The following PCCA variants were observed in gnomAD, a reference collection of about 807,000 sequenced individuals.
PCCA encodes the protein propionyl-CoA carboxylase alpha chain, mitochondrial.
In PCCA, 74 loss-of-function variants were observed where a neutral mutation model predicts 101.3. The ratio of observed to expected loss-of-function variants is 0.73; its 90% CI spans 0.61 to 0.89. The LOEUF is 0.89. Ranked by LOEUF, PCCA falls within the 40% of genes least tolerant of loss-of-function variation. The probability of loss-of-function intolerance (pLI) is 0.00; values close to 1 mark genes in which losing one functional copy is unlikely to be tolerated. For synonymous variants in PCCA, 294 were observed against 313.6 expected, an observed-to-expected ratio of 0.94 and a Z score of 0.66; for missense variants, 891 against 907.0, an observed-to-expected ratio of 0.98 and a Z score of 0.23.
intron 18 of PCCA, 100 bp downstream of exon 18, chr13:100,340,359 T>TAG: frequency 1.3e-6 from 1 of 742,938 alleles, no homozygotes; most frequent in Admixed American, 1.9e-5. Flanking sequence ...ATCTCAGTTC[T>TAG]AGAGATCTTA....
intron 4 of PCCA, among the ~76,000 whole-genome samples, chr13:100,131,271 G>A (rs1482102923): frequency 6.6e-6 from 1 of 152,092 alleles, no homozygotes; most frequent in African/African-American, 2.4e-5. Flanking sequence ...ATGTTCCTTC[G>A]AAAGGCTGGT....
In PCCA at chr13:100,372,978, A is replaced by G. The variant is rs1457578899; in HGVS notation, c.1746+4404A>G. On this transcript the variant is annotated intron_variant, in intron 19 of 23. Transcript: ENST00000376285. The stretch of plus-strand genomic sequence containing the variant: ...AGGCTGGTCTCGAACTCCTGACTTC[A>G]GGTGATCCACCCACTTCGGCCTCCC... Among the ~76,000 whole-genome samples the G allele has an allele frequency of 2.6e-5, 4 of 152,154 alleles. No homozygotes were observed. The East Asian group carries it at 7.7e-4, about 29-fold the overall frequency.
At chr13:100,371,861 G>A (rs1414510200) in intron 19 of PCCA, among the ~76,000 whole-genome samples, 1 of 152,148 alleles carries the variant, frequency 6.6e-6, no homozygotes, top group Non-Finnish European at 1.5e-5. Context: ...AGGATAGAGA[G>A]CCCATAAGTA....
In PCCA at chr13:100,142,904, C is replaced by A. The variant is rs186826867; in HGVS notation, c.301-12075C>A. On this transcript the variant is annotated intron_variant, in intron 4 of 23. Coordinates refer to ENST00000376285, the MANE Select transcript of PCCA (RefSeq NM_000282.4). ...TGGCCCAGCATAGCGTATCAGGCTCCCTGTGTATGACAGTGCCGCTGGAGA... is the reference window on the plus strand; with the variant it reads ...TGGCCCAGCATAGCGTATCAGGCTCACTGTGTATGACAGTGCCGCTGGAGA... 3.0e-4 allele frequency among the ~76,000 whole-genome samples: 45 copies of A among 152,258 alleles called. No homozygotes were observed. The East Asian group carries it at 4.2e-3, about 14-fold the overall frequency.
At chr13:100,202,024 C>T (rs552995500) in intron 6 of PCCA, among the ~76,000 whole-genome samples, 2 of 151,922 alleles carry the variant, frequency 1.3e-5, no homozygotes, top group East Asian at 1.9e-4. Flanking sequence ...GCACTGACTT[C>T]TATGGATTTA....
intron 18 of PCCA, among the ~76,000 whole-genome samples, chr13:100,363,355 C>T (rs1303410523): frequency 2.0e-5 from 3 of 151,810 alleles, no homozygotes; most frequent in Non-Finnish European, 4.4e-5. Context: ...AAACATCTCT[C>T]TCTCCTTTTT....
At chr13:100,457,286 C>T (rs562196061) in intron 21 of PCCA, among the ~76,000 whole-genome samples, 4 of 152,098 alleles carry the variant, frequency 2.6e-5, no homozygotes, top group Admixed American at 1.3e-4. Flanking sequence ...TCTCTTGCCT[C>T]GGCACCTAGA....
Position 100,527,720 on chromosome 13 carries a change from C to T in PCCA, c.2086C>T (p.Gln696Ter). The T allele has an allele frequency of 6.2e-7, 1 of 1,613,862 alleles. No individual in the cohort carries two copies. Reference protein sequence around the residue: ...EICVIEAMKMQNSMTAGKTGT... With the variant: ...EICVIEAMKM Reference sequence around the variant, plus strand: ...TTGTGTGATTGAAGCCATGAAAATGCAGAATAGTATGACAGCTGGGAAAAC... The same window carrying T: ...TTGTGTGATTGAAGCCATGAAAATGTAGAATAGTATGACAGCTGGGAAAAC... The change falls in exon 23 of 24, where the codon CAG becomes TAG. Residue 696 changes from glutamine to a stop codon, truncating the protein, a stop_gained. Transcript: ENST00000376285. LOFTEE classifies it high-confidence loss of function.
chr13:100,261,719 T>C (rs190761675), intron 9 of PCCA, among the ~76,000 whole-genome samples: 3 of 152,300 alleles, frequency 2.0e-5, no homozygotes, highest in African/African-American at 7.2e-5. Context: ...GTAAACAAAA[T>C]ATATAAAGCA....
At chr13:100,261,773 A>G (rs1315241434) in intron 9 of PCCA, among the ~76,000 whole-genome samples, 1 of 152,222 alleles carries the variant, frequency 6.6e-6, no homozygotes, top group East Asian at 1.9e-4. Context: ...ATACTTTTAT[A>G]ATTACTATTT....
At chr13:100,396,247 A>T (rs2077039801) in intron 19 of PCCA, among the ~76,000 whole-genome samples, 1 of 152,144 alleles carries the variant, frequency 6.6e-6, no homozygotes. Context: ...GAGTTTAAAT[A>T]CCAATCCTGA....
chr13:100,437,665 A>C (rs1247474100), intron 20 of PCCA, among the ~76,000 whole-genome samples: 1 of 151,946 alleles, frequency 6.6e-6, no homozygotes, highest in Non-Finnish European at 1.5e-5. Flanking sequence ...TGTTTTAATT[A>C]ATTAGCTCTT....
At chr13:100,515,647 C>T (rs981235163) in intron 22 of PCCA, 80 bp downstream of exon 22, 1 of 1,536,878 alleles carries the variant, frequency 6.5e-7, no homozygotes, top group Non-Finnish European at 8.9e-7. Flanking sequence ...CGGCACAGCA[C>T]GATTCGGCTC....
At chr13:100,274,128 C>G (rs2063486633) in intron 12 of PCCA, among the ~76,000 whole-genome samples, 1 of 152,198 alleles carries the variant, frequency 6.6e-6, no homozygotes, top group African/African-American at 2.4e-5. Flanking sequence ...TCCATCTTCC[C>G]TAGAGCTGTC....
chr13:100,105,844 C>CAAAA (rs71114671), intron 2 of PCCA, among the ~76,000 whole-genome samples: 9 of 62,506 alleles, frequency 1.4e-4, no homozygotes, highest in Admixed American at 2.6e-4. Flanking sequence ...GATCCTGTCT[C>CAAAA]AAAAAAAAAA....
At chr13:100,406,865 A>G (rs1260517905) in intron 19 of PCCA, among the ~76,000 whole-genome samples, 2 of 150,642 alleles carry the variant, frequency 1.3e-5, no homozygotes, top group Non-Finnish European at 3.0e-5. Flanking sequence ...ATTTGTGAAC[A>G]CTTCAGCTCT....
At chr13:100,401,965 G>T (rs1199031282) in intron 19 of PCCA, among the ~76,000 whole-genome samples, 2 of 151,786 alleles carry the variant, frequency 1.3e-5, no homozygotes, top group East Asian at 3.9e-4. Flanking sequence ...TTTTCTTATT[G>T]CCTGCCTTTC....
intron 12 of PCCA, among the ~76,000 whole-genome samples, chr13:100,297,973 A>T (rs1420143598): frequency 4.3e-5 from 6 of 138,254 alleles, no homozygotes; most frequent in Non-Finnish European, 6.4e-5. Flanking sequence ...GTGAGTGTGA[A>T]TTTTTTTTTT....
intron 6 of PCCA, among the ~76,000 whole-genome samples, chr13:100,190,523 A>C (rs1303153494): frequency 6.6e-6 from 1 of 152,098 alleles, no homozygotes; most frequent in East Asian, 1.9e-4. Flanking sequence ...TCTCTACTAA[A>C]AATTAGCCAG....
Sources: allele counts gnomAD v4.1 joint callset (sites outside exome capture counted in the v4.1 genomes callset), GRCh38; gene constraint gnomAD v4.1.1; transcripts MANE v1.5; gene names NCBI Gene and HGNC (gene_info 2026-07-23, HGNC 2026-07-21).